Variants in RAD52 observed in about 807,000 individuals in gnomAD.
RAD52 encodes RAD52 DNA repair protein, also known as DNA repair protein RAD52 homolog.
A neutral mutation model predicts 55.5 loss-of-function variants in RAD52; 47 were observed. The observed-to-expected ratio is 0.85, with a 90% CI of 0.67 to 1.08. RAD52 has a LOEUF of 1.08. RAD52 is among the 50% of genes least tolerant of loss of function. The pLI, the probability that RAD52 is intolerant of heterozygous loss-of-function variation, is 0.00. For missense variants in RAD52, 468 were observed against 522.8 expected, an observed-to-expected ratio of 0.90 and a Z score of 1.02; for synonymous variants, 184 against 198.9, an observed-to-expected ratio of 0.92 and a Z score of 0.63.
At chr12:973,766 A>G (rs964275297) in intron 1 of RAD52, among the ~76,000 whole-genome samples, 1 of 142,664 alleles carries the variant, frequency 7.0e-6, no homozygotes, top group African/African-American at 2.7e-5. Flanking sequence ...GGCATGAGCC[A>G]CCACGCCCAG....
chr12:951,204 C>T (rs1342042388), upstream of RAD52, among the ~76,000 whole-genome samples: 5 of 152,298 alleles, frequency 3.3e-5, no homozygotes, highest in East Asian at 9.6e-4. Flanking sequence ...CCTCTAACTC[C>T]TGGGCTCAAG....
intron 8 of RAD52, 52 bp from the exon 9 acceptor site, chr12:916,535 G>T (rs1407162079): frequency 6.2e-7 from 1 of 1,605,474 alleles, no homozygotes; most frequent in East Asian, 2.2e-5. Flanking sequence ...AGCCGCGGCT[G>T]CTGGGAGGAC....
At chr12:939,963 T>C (rs908612262) in intron 1 of RAD52, among the ~76,000 whole-genome samples, 1 of 151,718 alleles carries the variant, frequency 6.6e-6, no homozygotes, top group Non-Finnish European at 1.5e-5. Context: ...TAATCCCAGC[T>C]ATTCGGGAGG....
chr12:976,516 A>C (rs1958937210), intron 1 of RAD52: 1 of 152,200 alleles, frequency 6.6e-6, no homozygotes, highest in South Asian at 2.1e-4. Context: ...CATGCTGAAG[A>C]GGCCATTTGT....
intron 1 of RAD52, among the ~76,000 whole-genome samples, chr12:949,234 T>G (rs1488666840): frequency 1.3e-5 from 2 of 152,008 alleles, no homozygotes; most frequent in Non-Finnish European, 2.9e-5. Context: ...CGTCCCCCGC[T>G]CCCTGCAACT....
At chr12:943,892 C>A (rs1401299371) in intron 1 of RAD52, among the ~76,000 whole-genome samples, 3 of 151,594 alleles carry the variant, frequency 2.0e-5, no homozygotes, top group East Asian at 2.0e-4. Flanking sequence ...CTTCCAGAAG[C>A]CTCACGGTTT....
intron 1 of RAD52, among the ~76,000 whole-genome samples, chr12:942,329 C>T (rs2887532): frequency 0.13 from 19,751 of 152,200 alleles, 1,582 homozygotes; most frequent in Non-Finnish European, 0.18. Context: ...AATACAATAG[C>T]ATTTTCAACA....
chr12:940,384 G>T (rs1957860341), intron 1 of RAD52, among the ~76,000 whole-genome samples: 1 of 152,004 alleles, frequency 6.6e-6, no homozygotes, highest in African/African-American at 2.4e-5. Context: ...GGATCACGAG[G>T]TCAAGAGATG....
intron 1 of RAD52, among the ~76,000 whole-genome samples, chr12:956,810 G>A (rs945159024): frequency 3.9e-5 from 6 of 152,170 alleles, no homozygotes; most frequent in Middle Eastern, 3.2e-3. Flanking sequence ...GCCTCCCAAA[G>A]TGCTGGGATT....
rs567288577 is a variant in RAD52, at chr12:968,900, G to C, written c.-19+20909C>G. The stretch of plus-strand genomic sequence containing the variant: ...ATATTTGTTGAATAAATAAAGAATT[G>C]GTGAGTATACACACACACACACAGA... On this transcript the variant is annotated intron_variant, in intron 1 of 11. Coordinates refer to the RAD52 transcript ENST00000430095. Among the ~76,000 whole-genome samples the C allele has an allele frequency of 2.0e-5, 3 of 152,012 alleles. No individual in the cohort carries two copies. In the East Asian group the frequency reaches 5.8e-4, roughly 29 times the overall value.
At chr12:966,377 C>A (rs572564385) in intron 1 of RAD52, among the ~76,000 whole-genome samples, 5 of 152,112 alleles carry the variant, frequency 3.3e-5, no homozygotes, top group African/African-American at 1.2e-4. Context: ...ATATTCATGG[C>A]CATCTTGGAC....
Position 916,780 on chromosome 12 carries a change from TC to T in RAD52, c.583del (p.Asp195IlefsTer28). On this transcript the variant is annotated frameshift_variant, in exon 8 of 12. Transcript: ENST00000358495. LOFTEE classifies it high-confidence loss of function. ...EVDLTKAKRQ[D>X]LEPSVEEARY... ...TGCCTCCTCCACAGACGGTTCAAGA[TC>T]TTGTCTCTTCGCTTTAGTTAAATCC... 6.2e-7 allele frequency: 1 copy of T among 1,613,120 alleles called. No homozygotes were observed.
chr12:939,831 C>G (rs546634057), intron 1 of RAD52, among the ~76,000 whole-genome samples: 5 of 152,272 alleles, frequency 3.3e-5, no homozygotes, highest in African/African-American at 7.2e-5. Context: ...AATCCCAGCA[C>G]TCTGGGAAGC....
intron 1 of RAD52, among the ~76,000 whole-genome samples, chr12:970,611 A>G (rs1484080004): frequency 2.6e-5 from 4 of 152,194 alleles, no homozygotes; most frequent in Non-Finnish European, 5.9e-5. Context: ...GGTTAAAATG[A>G]CAACTGCAAA....
Position 916,771 on chromosome 12 carries a change from G to A in RAD52, c.593C>T (p.Pro198Leu), listed in dbSNP as rs1391132880. The A allele has an allele frequency of 6.2e-7, 1 of 1,613,948 alleles. No homozygotes were observed. Among genetic ancestry groups the A allele is most frequent in the Non-Finnish European group, 8.5e-7 (1 of 1,179,872 alleles). Reference protein sequence around the residue: ...LTKAKRQDLEPSVEEARYNSC... With the variant: ...LTKAKRQDLELSVEEARYNSC... ...GTTGTATCTTGCCTCCTCCACAGAC[G>A]GTTCAAGATCTTGTCTCTTCGCTTT... The change falls in exon 8 of 12, where the codon CCG becomes CTG. Residue 198 changes from proline (P) to leucine (L), a missense_variant. Pro to Leu is a moderately conservative substitution (Grantham distance 98, BLOSUM62 -3). Coordinates refer to ENST00000358495, the MANE Select transcript of RAD52 (RefSeq NM_134424.4).
intron 1 of RAD52, among the ~76,000 whole-genome samples, chr12:987,306 T>C (rs1282134456): frequency 1.3e-5 from 2 of 152,160 alleles, no homozygotes; most frequent in Non-Finnish European, 2.9e-5. Context: ...GGCTCCTTTT[T>C]TTCCTCTTTG....
intron 1 of RAD52, among the ~76,000 whole-genome samples, chr12:939,799 G>A (rs941324503): frequency 7.9e-5 from 12 of 152,316 alleles, no homozygotes; most frequent in African/African-American, 2.9e-4. Context: ...TGGGCGCACC[G>A]GGCGCGGTGG....
intron 1 of RAD52, among the ~76,000 whole-genome samples, chr12:981,634 G>T (rs1158625063): frequency 6.6e-6 from 1 of 151,962 alleles, no homozygotes; most frequent in Non-Finnish European, 1.5e-5. Flanking sequence ...GTGCGCGCCT[G>T]TAATCCCAGC....
At chr12:941,999 A>C (rs768887164) in intron 1 of RAD52, among the ~76,000 whole-genome samples, 1 of 152,174 alleles carries the variant, frequency 6.6e-6, no homozygotes, top group Non-Finnish European at 1.5e-5. Flanking sequence ...ATATTTGAAG[A>C]CTCAATACTG....
Sources: allele counts gnomAD v4.1 joint callset (sites outside exome capture counted in the v4.1 genomes callset), GRCh38; gene constraint gnomAD v4.1.1; transcripts MANE v1.5; gene names NCBI Gene and HGNC (gene_info 2026-07-23, HGNC 2026-07-21).